The following NDUFS7 variants were observed in gnomAD, a reference collection of about 807,000 sequenced individuals.
NDUFS7 encodes the protein NADH:ubiquinone oxidoreductase core subunit S7.
Under a neutral mutation model 31.1 loss-of-function variants are expected in NDUFS7, and 11 were observed. The observed-to-expected ratio is 0.35, with a 90% CI of 0.22 to 0.59. The LOEUF is 0.59. NDUFS7 is among the 20% of genes least tolerant of loss of function. The probability of loss-of-function intolerance (pLI) is 0.79; values close to 1 mark genes in which losing one functional copy is unlikely to be tolerated. For synonymous variants in NDUFS7, 136 were observed against 127.9 expected, an observed-to-expected ratio of 1.06 and a Z score of -0.43; for missense variants, 263 against 324.2, an observed-to-expected ratio of 0.81 and a Z score of 1.45.
intron 1 of NDUFS7, 49 bp downstream of exon 1, chr19:1,383,991 G>A (rs1314130909): frequency 6.5e-7 from 1 of 1,538,722 alleles, no homozygotes; most frequent in Admixed American, 2.0e-5. Context: ...GTCTGGGGCC[G>A]TGGGAGCCTC....
chr19:1,389,074 C>A, intron 4 of NDUFS7, 136 bp downstream of exon 4: 1 of 777,610 alleles, frequency 1.3e-6, no homozygotes, highest in South Asian at 1.5e-5. Context: ...CGCACATGTG[C>A]ATGCAAGCTC....
chr19:1,387,727 A>C, intron 1 of NDUFS7, 84 bp from the exon 2 acceptor site: 1 of 1,268,000 alleles, frequency 7.9e-7, no homozygotes, highest in Non-Finnish European at 1.1e-6. Context: ...CTGTGCGGGC[A>C]GGAGCCTGAT....
Position 1,388,588 on chromosome 19 carries a change from A to C in NDUFS7, c.117A>C (p.Pro39=). 1 of 1,612,024 alleles carries C rather than the reference A, an allele frequency of 6.2e-7. No homozygotes were observed. The highest frequency in any genetic ancestry group is 8.5e-7 in the Non-Finnish European group (1 of 1,179,482). The change falls in exon 3 of 8, where the codon CCA becomes CCC. Residue 39 remains proline (P), a synonymous_variant. Transcript: ENST00000233627. ...ATCAGAGCGTGGCCACCGATGGCCC[A>C]AGCAGGTGAAGCTGGCCTTCTGGGG... ...GVHQSVATDG[P]SSTQPALPKA...
Position 1,390,992 on chromosome 19 carries a change from C to G in NDUFS7, c.350C>G (p.Ser117Cys), listed in dbSNP as rs137884415. The G allele has an allele frequency of 6.2e-7, 1 of 1,613,252 alleles. No homozygotes were observed. The highest frequency in any genetic ancestry group is 8.5e-7 in the Non-Finnish European group (1 of 1,179,910). The change falls in exon 5 of 8, where the codon TCC (serine) becomes TGC (cysteine). Residue 117 changes from serine to cysteine, a missense_variant. Coordinates refer to ENST00000233627, the MANE Select transcript of NDUFS7 (RefSeq NM_024407.5). ...GTCTTCCGCGCCAGCCCGCGCCAGT[C>G]CGACGTCATGATCGTGGCCGGCACA... Reference protein sequence around the residue: ...GVVFRASPRQSDVMIVAGTLT... With the variant: ...GVVFRASPRQCDVMIVAGTLT...
chr19:1,395,106 C>T lies in NDUFS7; in HGVS notation c.545-285C>T, dbSNP rs1452556596. ...AGTCCTGAGGGCTGGGGCCGGGGGC[C>T]GGGTTAGTGAGGTCAGCGTCTTGTC... On this transcript the variant is annotated intron_variant, in intron 7 of 7. Coordinates refer to ENST00000233627, the MANE Select transcript of NDUFS7 (RefSeq NM_024407.5). 59 of 1,316,670 alleles carry T rather than the reference C, an allele frequency of 4.5e-5. No individual in the cohort carries two copies. The South Asian group carries it at 6.4e-4, about 14-fold the overall frequency. 81.6% of individuals were successfully genotyped at this position (1,316,670 alleles called of 1,614,324 possible).
intron 4 of NDUFS7, chr19:1,389,455 G>A (rs1332749172): frequency 8.7e-6 from 4 of 457,728 alleles, no homozygotes; most frequent in African/African-American, 6.0e-5. Context: ...CCTCCCGGAG[G>A]CCCCTGTGCT....
In NDUFS7 at chr19:1,395,501, C is replaced by A. The variant is rs11551663; in HGVS notation, c.*13C>A. 19,199 of 1,564,368 alleles carry A rather than the reference C, an allele frequency of 0.012. 1,777 individuals are homozygous for A. In the African/African-American group the frequency reaches 0.21, roughly 17 times the overall value. ...GTACCGCAGGTAGCGCCGCCGCCGC[C>A]GCCGCCGGAGCCTGTCGCCGTCCTG... On this transcript the variant is annotated 3_prime_UTR_variant, in exon 8 of 8. Transcript: ENST00000233627.
In NDUFS7 at chr19:1,393,311, C is replaced by T. The variant is rs757488156; in HGVS notation, c.525C>T (p.Pro175=). The change falls in exon 7 of 8, where the codon CCC becomes CCT. Residue 175 remains proline (P), a synonymous_variant. Transcript: ENST00000233627. The surrounding 1 kb of genome is among the most constrained non-coding windows in gnomAD (Gnocchi z 7.3). ...TGAGGGGCTGCGACCGCATCGTGCCCGTGGACATCTACATCCCAGGTAGGG... is the reference window on the plus strand; with the variant it reads ...TGAGGGGCTGCGACCGCATCGTGCCTGTGGACATCTACATCCCAGGTAGGG... ...SVVRGCDRIV[P]VDIYIPGCPP... is the part of the protein sequence containing the mutation. The T allele has an allele frequency of 6.3e-5, 100 of 1,585,004 alleles. 1 individual carries two copies. Among genetic ancestry groups the T allele is most frequent in the Admixed American group, 2.7e-4 (15 of 56,106 alleles).
At chr19:1,392,795 T>G (rs1600152376) in intron 6 of NDUFS7, 1 of 238,092 alleles carries the variant, frequency 4.2e-6, no homozygotes, top group South Asian at 5.8e-5. Context: ...GTGCTGGGAG[T>G]GGAGTCTGTG....
In NDUFS7 at chr19:1,388,936, C is replaced by T. The variant is rs779394590; in HGVS notation, c.226C>T (p.Arg76Trp). Residue 76 changes from arginine to tryptophan, a missense_variant and splice_region_variant, in exon 4 of 8, where the codon CGG becomes TGG. By Grantham distance (101) the Arg-to-Trp change is moderately radical (BLOSUM62 -3). Transcript: ENST00000233627. ...KLDDLVNWARRSSLWPMTFGL... is the reference protein window; with the variant it reads ...KLDDLVNWARWSSLWPMTFGL... Reference sequence around the variant, plus strand: ...GGATGACCTCGTCAACTGGGCCCGCCGGGTGAGTACTATGAGCTGTAGGCC... The same window carrying T: ...GGATGACCTCGTCAACTGGGCCCGCTGGGTGAGTACTATGAGCTGTAGGCC... 1.1e-5 allele frequency: 17 copies of T among 1,603,238 alleles called. No homozygotes were observed. The highest frequency in any genetic ancestry group is 8.6e-5 in the Admixed American group (5 of 58,438).
At position 1,388,907 on chromosome 19, in the gene NDUFS7, A is replaced by G; in HGVS notation, c.197A>G (p.Lys66Arg). The change falls in exon 4 of 8, where the codon AAG becomes AGG. Residue 66 changes from lysine to arginine, a missense_variant. Lys to Arg is a conservative substitution (Grantham distance 26, BLOSUM62 2). Transcript: ENST00000233627. The stretch of plus-strand genomic sequence containing the variant: ...AGCCGGGGCGAGTATGTGGTGGCCA[A>G]GCTGGATGACCTCGTCAACTGGGCC... ...PSSRGEYVVAKLDDLVNWARR... is the reference protein window; with the variant it reads ...PSSRGEYVVARLDDLVNWARR... The G allele has an allele frequency of 6.2e-7, 1 of 1,610,152 alleles. No homozygotes were observed. The highest frequency in any genetic ancestry group is 8.5e-7 in the Non-Finnish European group (1 of 1,178,664).
chr19:1,391,555 C>T lies in NDUFS7; in HGVS notation c.455+390C>T, dbSNP rs1263710006. 7.4e-5 allele frequency among the ~76,000 whole-genome samples: 11 copies of T among 149,458 alleles called. 1 individual carries two copies. In the South Asian group the frequency reaches 1.7e-3, roughly 23 times the overall value. ...AGGCTGGAGTGCGGTGGAACCATCTCGGCTCACTGCAACCTCCGCCTCCCA... is the reference window on the plus strand; with the variant it reads ...AGGCTGGAGTGCGGTGGAACCATCTTGGCTCACTGCAACCTCCGCCTCCCA... On this transcript the variant is annotated intron_variant, in intron 6 of 7. Transcript: ENST00000233627.
intron 1 of NDUFS7, among the ~76,000 whole-genome samples, chr19:1,385,545 G>A (rs188960425): frequency 2.0e-5 from 3 of 151,288 alleles, no homozygotes; most frequent in East Asian, 3.9e-4. Context: ...CCAGCTGGGC[G>A]TGGTGGCTCA....
At chr19:1,389,502 C>T in intron 4 of NDUFS7, 2 of 457,446 alleles carry the variant, frequency 4.4e-6, no homozygotes, top group South Asian at 3.1e-5. Flanking sequence ...AGGATTCGGA[C>T]CCTGCTGGAG....
intron 7 of NDUFS7, 24 bp from the exon 8 acceptor site, chr19:1,395,367 G>A (rs750078551): frequency 1.1e-5 from 18 of 1,592,454 alleles, no homozygotes; most frequent in Middle Eastern, 3.5e-4. Context: ...TGCGGGAAGC[G>A]AGACTGAGGC....
At position 1,393,947 on chromosome 19, in the gene NDUFS7, C is replaced by T. The variant is rs2082574766; in HGVS notation, c.544+617C>T. 1.6e-5 allele frequency: 4 copies of T among 242,716 alleles called. No individual in the cohort carries two copies. The highest frequency in any genetic ancestry group is 2.5e-5 in the Non-Finnish European group (3 of 121,874). 15.0% of individuals were successfully genotyped at this position (242,716 alleles called of 1,614,324 possible). Reference sequence around the variant, plus strand: ...ATCTGGTGATCCCGTGGGACTCTTGCACCTCACGTGGTCCCACGAGGGCCA... The same window carrying T: ...ATCTGGTGATCCCGTGGGACTCTTGTACCTCACGTGGTCCCACGAGGGCCA... On this transcript the variant is annotated intron_variant, in intron 7 of 7. Transcript: ENST00000233627. This position sits in a 1 kb window ranked among gnomAD's most constrained non-coding sequence, Gnocchi z 7.3.
In NDUFS7 at chr19:1,395,525, T is replaced by C. The variant is rs773866471; in HGVS notation, c.*37T>C. On this transcript the variant is annotated 3_prime_UTR_variant, in exon 8 of 8. Coordinates refer to ENST00000233627, the MANE Select transcript of NDUFS7 (RefSeq NM_024407.5). ...CCGCCGCCGGAGCCTGTCGCCGTCC[T>C]GTCCCCAGCCTGCTTGTGTCCCGTG... 1.9e-6 allele frequency: 3 copies of C among 1,552,984 alleles called. No individual in the cohort carries two copies. Among genetic ancestry groups the C allele is most frequent in the Non-Finnish European group, 2.6e-6 (3 of 1,148,204 alleles).
chr19:1,389,203 ACGCT>A, intron 4 of NDUFS7: 2 of 684,292 alleles, frequency 2.9e-6, no homozygotes, highest in East Asian at 5.6e-5. Flanking sequence ...ATGTGCACAC[ACGCT>A]TGCACACATA....
At chr19:1,388,070 T>A in intron 2 of NDUFS7, 1 of 635,594 alleles carries the variant, frequency 1.6e-6, no homozygotes, top group South Asian at 1.8e-5. Flanking sequence ...AGGAAAACCC[T>A]GTGGGCCCGG....
Sources: allele counts gnomAD v4.1 joint callset (sites outside exome capture counted in the v4.1 genomes callset), GRCh38; gene constraint gnomAD v4.1.1; non-coding constraint Gnocchi (gnomAD v3.1); transcripts MANE v1.5; gene names NCBI Gene and HGNC (gene_info 2026-07-23, HGNC 2026-07-21).